ARHGAP24: variants seen among roughly 807,000 people sequenced by gnomAD.
ARHGAP24 encodes rho GTPase-activating protein 24.
ARHGAP24 carries 50 observed loss-of-function variants against 76.4 expected under a neutral mutation model. The ratio of observed to expected loss-of-function variants is 0.65; its 90% CI spans 0.52 to 0.83. ARHGAP24 has a LOEUF of 0.83. Among genes scored for constraint, ARHGAP24 ranks in the 40% least tolerant of loss-of-function variants. The probability of loss-of-function intolerance (pLI) is 0.00; values close to 1 mark genes in which losing one functional copy is unlikely to be tolerated. For missense variants in ARHGAP24, 930 were observed against 914.2 expected (o/e 1.02, Z -0.22); for synonymous variants, 345 against 323.3 (o/e 1.07, Z -0.72).
intron 3 of ARHGAP24, among the ~76,000 whole-genome samples, chr4:85,739,025 T>C (rs1406599663): frequency 6.6e-6 from 1 of 152,226 alleles, no homozygotes; most frequent in African/African-American, 2.4e-5. Flanking sequence ...CACCATGGAT[T>C]GCCTTTTGAT....
At chr4:85,779,184 G>A (rs1045908399) in intron 3 of ARHGAP24, among the ~76,000 whole-genome samples, 1 of 152,132 alleles carries the variant, frequency 6.6e-6, no homozygotes, top group Non-Finnish European at 1.5e-5. Flanking sequence ...GGAACCAGAT[G>A]ATTGTTGCTG....
At chr4:85,739,875 C>T (rs1236204579) in intron 3 of ARHGAP24, among the ~76,000 whole-genome samples, 1 of 1,966 alleles carries the variant, frequency 5.1e-4, no homozygotes, top group African/African-American at 5.2e-4. Flanking sequence ...ATCCGCCCAC[C>T]TCGGCCTCCC....
At chr4:85,538,586 T>C (rs1325878327) in intron 1 of ARHGAP24, among the ~76,000 whole-genome samples, 1 of 152,126 alleles carries the variant, frequency 6.6e-6, no homozygotes, top group Non-Finnish European at 1.5e-5. Flanking sequence ...TATAATTGTG[T>C]CTCCACGCAC....
At chr4:85,559,743 C>A (rs182771221) in intron 1 of ARHGAP24, among the ~76,000 whole-genome samples, 1 of 152,008 alleles carries the variant, frequency 6.6e-6, no homozygotes, top group East Asian at 1.9e-4. Context: ...AAGAGACATC[C>A]AACTTCTTTT....
At chr4:85,983,483 T>C (rs776959621) in intron 8 of ARHGAP24, among the ~76,000 whole-genome samples, 1 of 152,142 alleles carries the variant, frequency 6.6e-6, no homozygotes. Flanking sequence ...TGGCATGAGA[T>C]GGCATCTCAT....
At chr4:85,541,693 T>C (rs1449445108) in intron 1 of ARHGAP24, among the ~76,000 whole-genome samples, 6 of 152,170 alleles carry the variant, frequency 3.9e-5, no homozygotes, top group Admixed American at 3.9e-4. Flanking sequence ...GATAACAGGC[T>C]AGAAGTCAAG....
At chr4:85,484,648 C>T (rs1722948371) in intron 1 of ARHGAP24, among the ~76,000 whole-genome samples, 1 of 152,096 alleles carries the variant, frequency 6.6e-6, no homozygotes, top group African/African-American at 2.4e-5. Context: ...GACATGGTCT[C>T]ACTTGCTGCC....
intron 2 of ARHGAP24, among the ~76,000 whole-genome samples, chr4:85,602,073 C>T (rs1281849576): frequency 6.6e-6 from 1 of 152,144 alleles, no homozygotes; most frequent in African/African-American, 2.4e-5. Context: ...CGGAAGATAG[C>T]CAGAGACTTT....
intron 5 of ARHGAP24, among the ~76,000 whole-genome samples, chr4:85,959,387 A>T (rs1738112092): frequency 6.6e-6 from 1 of 152,098 alleles, no homozygotes; most frequent in Non-Finnish European, 1.5e-5. Flanking sequence ...CTGACCTCTC[A>T]TATCTTATCC....
intron 1 of ARHGAP24, among the ~76,000 whole-genome samples, chr4:85,526,097 G>C (rs958935150): frequency 2.6e-5 from 4 of 152,104 alleles, no homozygotes; most frequent in African/African-American, 7.2e-5. Flanking sequence ...TGACTGGACA[G>C]AGCATGAAAT....
intron 1 of ARHGAP24, among the ~76,000 whole-genome samples, chr4:85,534,832 T>G (rs989941761): frequency 4.7e-5 from 7 of 150,180 alleles, no homozygotes; most frequent in African/African-American, 1.7e-4. Flanking sequence ...AGGCAGTCGG[T>G]GAAAGTGACT....
chr4:85,761,142 A>G (rs866499188), intron 3 of ARHGAP24, among the ~76,000 whole-genome samples: 3 of 152,312 alleles, frequency 2.0e-5, no homozygotes, highest in African/African-American at 7.2e-5. Flanking sequence ...TGCATCAGCC[A>G]CAATTACCTC....
Position 85,707,016 on chromosome 4 carries a change from G to A in ARHGAP24, c.181-14869G>A, listed in dbSNP as rs924177980. Among the ~76,000 whole-genome samples the A allele has an allele frequency of 1.3e-4, 20 of 152,242 alleles. No homozygotes were observed. In the East Asian group the frequency reaches 2.1e-3, roughly 16 times the overall value. ...TGTAGCCTTGAACTCCTGGGCTAACGTTATCCTCCTGCCTCAGCCTCCTGA... is the reference window on the plus strand; with the variant it reads ...TGTAGCCTTGAACTCCTGGGCTAACATTATCCTCCTGCCTCAGCCTCCTGA... On this transcript the variant is annotated intron_variant, in intron 2 of 9. Coordinates refer to ENST00000395184, the MANE Select transcript of ARHGAP24 (RefSeq NM_001025616.3).
chr4:85,955,080 T>C (rs902940437), intron 5 of ARHGAP24, among the ~76,000 whole-genome samples: 1 of 152,214 alleles, frequency 6.6e-6, no homozygotes, highest in Non-Finnish European at 1.5e-5. Flanking sequence ...CACATTCTCA[T>C]GGCTTTGCTG....
chr4:85,897,018 G>C (rs1734217562), intron 3 of ARHGAP24, among the ~76,000 whole-genome samples: 1 of 152,126 alleles, frequency 6.6e-6, no homozygotes, highest in African/African-American at 2.4e-5. Context: ...CATTGCACGT[G>C]CAGCATACTG....
chr4:85,925,270 A>G (rs1033617382), intron 4 of ARHGAP24, among the ~76,000 whole-genome samples: 1 of 152,206 alleles, frequency 6.6e-6, no homozygotes, highest in African/African-American at 2.4e-5. Context: ...GAATCGTCCA[A>G]TTGTCCAGTA....
At chr4:85,499,453 C>A (rs897005127) in intron 1 of ARHGAP24, among the ~76,000 whole-genome samples, 1 of 152,164 alleles carries the variant, frequency 6.6e-6, no homozygotes, top group Non-Finnish European at 1.5e-5. Flanking sequence ...AACTAGAAAG[C>A]CTTTATCACC....
At chr4:85,570,441 T>TC (rs1727092861) in intron 1 of ARHGAP24, 81 bp from the exon 2 acceptor site, 2 of 848,598 alleles carry the variant, frequency 2.4e-6, no homozygotes, top group Non-Finnish European at 3.6e-6. Flanking sequence ...CTTTTTTTTT[T>TC]TCTGGAGAAG....
chr4:85,700,091 A>G lies in ARHGAP24; in HGVS notation c.181-21794A>G, dbSNP rs75540482. 9.7e-3 allele frequency among the ~76,000 whole-genome samples: 1,480 copies of G among 152,226 alleles called. 25 individuals are homozygous for G. Among genetic ancestry groups the G allele is most frequent in the African/African-American group, 0.033 (1,376 of 41,538 alleles). ...AGTAGAGGTAATAAGTGACCAGTAC[A>G]TCTGTTTTGAAGATAGAGCTGAGCC... On this transcript the variant is annotated intron_variant, in intron 2 of 9. Transcript: ENST00000395184.
Sources: allele counts gnomAD v4.1 joint callset (sites outside exome capture counted in the v4.1 genomes callset), GRCh38; gene constraint gnomAD v4.1.1; transcripts MANE v1.5; gene names NCBI Gene and HGNC (gene_info 2026-07-23, HGNC 2026-07-21).